The following RBFOX3 variants were observed in gnomAD, a reference collection of about 807,000 sequenced individuals.
RBFOX3 encodes RNA binding protein fox-1 homolog 3.
RBFOX3 carries 17 observed loss-of-function variants against 48.7 expected under a neutral mutation model. The observed-to-expected ratio is 0.35, with a 90% CI of 0.24 to 0.52. RBFOX3 has a LOEUF of 0.52. RBFOX3 is among the 20% of genes least tolerant of loss of function. The pLI is 0.94. For synonymous variants in RBFOX3, 212 were observed against 209.5 expected, an observed-to-expected ratio of 1.01 and a Z score of -0.10; for missense variants, 382 against 497.5, an observed-to-expected ratio of 0.77 and a Z score of 2.21.
At chr17:79,105,457 C>A (rs924338304) in intron 6 of RBFOX3, among the ~76,000 whole-genome samples, 2 of 152,204 alleles carry the variant, frequency 1.3e-5, no homozygotes, top group African/African-American at 4.8e-5. Context: ...AAGGGGCAGC[C>A]CCAGGCCCAG....
the RBFOX3 span, among the ~76,000 whole-genome samples, chr17:79,637,826 GGGA>G: frequency 7.3e-6 from 1 of 137,104 alleles, no homozygotes; most frequent in Admixed American, 7.4e-5. Context: ...GGGAAGGGAA[GGGA>G]AGGGGAAAAG....
intron 2 of RBFOX3, among the ~76,000 whole-genome samples, chr17:79,394,297 G>T (rs2061720640): frequency 1.3e-5 from 2 of 152,198 alleles, no homozygotes; most frequent in South Asian, 4.1e-4. Context: ...AGCTCACCCT[G>T]CACCCTGATC....
chr17:79,657,272 C>A, the RBFOX3 span, among the ~76,000 whole-genome samples: 1 of 152,176 alleles, frequency 6.6e-6, no homozygotes, highest in Non-Finnish European at 1.5e-5. Flanking sequence ...GAGATTGCAG[C>A]AGGTCTTTAA....
At chr17:79,388,556 C>CTCTTTTAAA (rs1353874914) in intron 2 of RBFOX3, among the ~76,000 whole-genome samples, 1 of 152,216 alleles carries the variant, frequency 6.6e-6, no homozygotes, top group Non-Finnish European at 1.5e-5. Flanking sequence ...AATCTCTAAT[C>CTCTTTTAAA]TCTTTTAAAA....
intron 12 of RBFOX3, 26 bp downstream of exon 12, chr17:79,096,627 C>CAACCA: frequency 4.0e-6 from 6 of 1,489,844 alleles, no homozygotes; most frequent in Non-Finnish European, 5.5e-6. Flanking sequence ...TGATCCCACC[C>CAACCA]TCCCTCCCGG....
chr17:79,111,380 G>A lies in RBFOX3; in HGVS notation c.222+4114C>T, dbSNP rs527658246. 6.6e-5 allele frequency among the ~76,000 whole-genome samples: 10 copies of A among 152,220 alleles called. No individual in the cohort carries two copies. The highest frequency in any genetic ancestry group is 3.4e-3 in the Middle Eastern group (1 of 294). Reference sequence around the variant, plus strand: ...AGTCTCATCCCGTCTCCCTCTACCTGGCTGGCCCTCCACAGTGACCCTCCG... The same window carrying A: ...AGTCTCATCCCGTCTCCCTCTACCTAGCTGGCCCTCCACAGTGACCCTCCG... On this transcript the variant is annotated intron_variant, in intron 5 of 14. Coordinates refer to ENST00000693108, the MANE Select transcript of RBFOX3 (RefSeq NM_001350451.2). The surrounding 1 kb of genome is among the most constrained non-coding windows in gnomAD (Gnocchi z 4.2).
At chr17:79,664,179 CT>C in the RBFOX3 span, among the ~76,000 whole-genome samples, 101,354 of 145,654 alleles carry the variant, frequency 0.7, 36,154 homozygotes, top group Non-Finnish European at 0.79. Context: ...CCATTCTTAC[CT>C]TTTTTTTTTT....
chr17:79,618,857 A>C, the RBFOX3 span, among the ~76,000 whole-genome samples: 6 of 152,272 alleles, frequency 3.9e-5, no homozygotes, highest in African/African-American at 1.4e-4. Flanking sequence ...TAGGCTCAGC[A>C]GGCCTGGGAG....
Position 79,494,086 on chromosome 17 carries a change from C to T in RBFOX3, c.-319-11488G>A, listed in dbSNP as rs530763513. On this transcript the variant is annotated intron_variant, in intron 1 of 14. Transcript: ENST00000693108. ...AGGAGTTTGAGGCTAGCCTGGGCAA[C>T]ATAGCAAGACCCCATCTCATATCTC... is the stretch of plus-strand genomic sequence containing the variant. Among the ~76,000 whole-genome samples the T allele has an allele frequency of 1.3e-4, 20 of 152,310 alleles. 1 individual carries two copies. In the South Asian group the frequency reaches 3.9e-3, roughly 30 times the overall value.
intron 4 of RBFOX3, among the ~76,000 whole-genome samples, chr17:79,134,061 G>A (rs891170247): frequency 6.6e-6 from 1 of 152,214 alleles, no homozygotes; most frequent in African/African-American, 2.4e-5. Context: ...AGGTGGGCAG[G>A]AGGGGGTGGA....
intron 4 of RBFOX3, among the ~76,000 whole-genome samples, chr17:79,140,386 A>G (rs1249348025): frequency 1.3e-5 from 2 of 152,258 alleles, no homozygotes; most frequent in Non-Finnish European, 1.5e-5. Context: ...TGCCACACCC[A>G]GCCTCTGAGC....
rs376761853 is a variant in RBFOX3, at chr17:79,474,267, A to G, written c.-175+8187T>C. On this transcript the variant is annotated intron_variant, in intron 2 of 14. Transcript: ENST00000693108. The stretch of plus-strand genomic sequence containing the variant: ...GTGGCCCTTGATCATTTTGAATCTA[A>G]AACATATGGATTTATACAGATTCAT... 2.6e-5 allele frequency among the ~76,000 whole-genome samples: 4 copies of G among 152,300 alleles called. No individual in the cohort carries two copies. The East Asian group carries it at 7.7e-4, about 29-fold the overall frequency.
intron 1 of RBFOX3, among the ~76,000 whole-genome samples, chr17:79,496,618 G>A (rs903231753): frequency 2.0e-5 from 3 of 152,154 alleles, no homozygotes; most frequent in African/African-American, 7.2e-5. Flanking sequence ...TGGCCACCTT[G>A]AGGACAGGAG....
chr17:79,303,171 G>A (rs759451526), intron 3 of RBFOX3, among the ~76,000 whole-genome samples: 3 of 152,176 alleles, frequency 2.0e-5, no homozygotes, highest in Non-Finnish European at 4.4e-5. Flanking sequence ...TCACACCACC[G>A]TACTCCAGCC....
At chr17:79,647,924 G>T in the RBFOX3 span, among the ~76,000 whole-genome samples, 1 of 150,950 alleles carries the variant, frequency 6.6e-6, no homozygotes, top group Non-Finnish European at 1.5e-5. Context: ...TGCAGTGGTG[G>T]ACACAGAGCC....
At chr17:79,536,808 C>T (rs186553086) in intron 1 of RBFOX3, among the ~76,000 whole-genome samples, 5 of 152,260 alleles carry the variant, frequency 3.3e-5, no homozygotes, top group South Asian at 4.1e-4. Context: ...GACATTTGGC[C>T]GGGTGCGGAG....
chr17:79,248,414 G>T (rs1488086966), intron 3 of RBFOX3, among the ~76,000 whole-genome samples: 1 of 152,158 alleles, frequency 6.6e-6, no homozygotes, highest in Non-Finnish European at 1.5e-5. Context: ...GTGATTAAAA[G>T]CCAGGTGTCT....
rs1332956819 is a variant in RBFOX3 at position 79,254,914 on chromosome 17, AC to A, written c.-73-19110del. On this transcript the variant is annotated intron_variant, in intron 3 of 14. Transcript: ENST00000693108. This position sits in a 1 kb window ranked among gnomAD's most constrained non-coding sequence, Gnocchi z 4.8. The stretch of plus-strand genomic sequence containing the variant: ...AGGCTGACATGCTGGGATTGGCAAC[AC>A]CCCAGACTCTTGCTCTAGGTAGGGC... Among the ~76,000 whole-genome samples the A allele has an allele frequency of 6.6e-6, 1 of 152,094 alleles. No individual in the cohort carries two copies. Among genetic ancestry groups the A allele is most frequent in the East Asian group, 1.9e-4 (1 of 5,158 alleles).
intron 4 of RBFOX3, among the ~76,000 whole-genome samples, chr17:79,166,709 C>T (rs2048082402): frequency 6.6e-6 from 1 of 152,162 alleles, no homozygotes; most frequent in African/African-American, 2.4e-5. Context: ...AGCCCATCCA[C>T]CCCTCCTGCC....
Sources: gnomAD v4.1 joint callset for allele counts (sites outside exome capture counted in the v4.1 genomes callset) on GRCh38, gnomAD v4.1.1 for gene constraint, Gnocchi (gnomAD v3.1) non-coding constraint, MANE v1.5 for transcripts, NCBI Gene and HGNC (gene_info 2026-07-23, HGNC 2026-07-21) for gene names.